Variants in CRYBG3 observed in about 807,000 individuals in gnomAD.
CRYBG3 encodes very large A-kinase anchor protein.
Under a neutral mutation model 244.2 loss-of-function variants are expected in CRYBG3, and 127 were observed. The observed-to-expected ratio is 0.52, with a 90% CI of 0.45 to 0.60. The LOEUF is 0.60. Among genes scored for constraint, CRYBG3 ranks in the 20% least tolerant of loss-of-function variants. The pLI, the probability that CRYBG3 is intolerant of heterozygous loss-of-function variation, is 0.00. For missense variants in CRYBG3, 3,325 were observed against 3,442.5 expected (o/e 0.97, Z 0.85); for synonymous variants, 1,132 against 1,195.8 (o/e 0.95, Z 1.10).
intron 15 of CRYBG3, among the ~76,000 whole-genome samples, chr3:97,906,254 T>G (rs1387255980): frequency 7.7e-6 from 1 of 129,876 alleles, no homozygotes; most frequent in Non-Finnish European, 1.7e-5. Flanking sequence ...ATATGAACTT[T>G]AAAGTAGTTT....
Position 97,876,976 on chromosome 3 carries a change from T to C in CRYBG3, c.5782T>C (p.Tyr1928His). Residue 1928 changes from tyrosine to histidine, a missense_variant, in exon 4 of 22, where the codon TAT becomes CAT. Physicochemically the swap from Tyr to His is moderately conservative, Grantham distance 83 (BLOSUM62 2). Around this residue, in one of 4 missense-constraint regions of CRYBG3, gnomAD observed 450 missense variants for 424.1 expected, o/e 1.06. Coordinates refer to ENST00000389622, the MANE Select transcript of CRYBG3 (RefSeq NM_153605.4). Reference protein sequence around the residue: ...LIAHENRLPTYFRGYESPTLS... With the variant: ...LIAHENRLPTHFRGYESPTLS... Reference sequence around the variant, plus strand: ...AGCACATGAAAATAGACTTCCTACATATTTCAGGGGATATGAATCCCCTAC... The same window carrying C: ...AGCACATGAAAATAGACTTCCTACACATTTCAGGGGATATGAATCCCCTAC... 1 of 1,513,564 alleles carries C rather than the reference T, an allele frequency of 6.6e-7. No individual in the cohort carries two copies. Among genetic ancestry groups the C allele is most frequent in the Non-Finnish European group, 8.8e-7 (1 of 1,134,602 alleles). The allele number at this position is 1,513,564 out of a possible 1,614,324, so 93.8% of individuals were successfully genotyped here. A position where few individuals can be genotyped will look rare whatever the true frequency, so the allele number is the denominator to read the frequency against.
intron 2 of CRYBG3, among the ~76,000 whole-genome samples, chr3:97,861,621 T>C (rs2039149949): frequency 6.6e-6 from 1 of 152,116 alleles, no homozygotes; most frequent in African/African-American, 2.4e-5. Flanking sequence ...AGTATACACA[T>C]AATACCAAAA....
intron 7 of CRYBG3, 36 bp from the exon 8 acceptor site, chr3:97,886,595 A>G (rs1297331706): frequency 6.4e-7 from 1 of 1,568,148 alleles, no homozygotes; most frequent in Non-Finnish European, 8.6e-7. Flanking sequence ...GTGTGACTCT[A>G]GTTGATTTCA....
intron 2 of CRYBG3, among the ~76,000 whole-genome samples, chr3:97,848,805 G>C (rs1025220526): frequency 2.0e-5 from 3 of 152,056 alleles, no homozygotes; most frequent in Non-Finnish European, 4.4e-5. Context: ...ATTTTTATAC[G>C]TCTCTTTTTC....
chr3:97,900,400 A>C (rs1166834377), intron 14 of CRYBG3, 53 bp from the exon 15 acceptor site: 8 of 1,251,948 alleles, frequency 6.4e-6, no homozygotes, highest in Non-Finnish European at 9.0e-6. Context: ...AAAACTTTCA[A>C]AAAGACAGAT....
At chr3:97,928,640 T>C (rs2040065399) in intron 17 of CRYBG3, among the ~76,000 whole-genome samples, 1 of 152,004 alleles carries the variant, frequency 6.6e-6, no homozygotes, top group Non-Finnish European at 1.5e-5. Context: ...GTTTTTCAAA[T>C]TTTAAACAGT....
chr3:97,886,949 C>T (rs1403557998), intron 8 of CRYBG3, among the ~76,000 whole-genome samples, 182 bp downstream of exon 8: 3 of 152,148 alleles, frequency 2.0e-5, no homozygotes, highest in Non-Finnish European at 4.4e-5. Flanking sequence ...CTCACAGGAG[C>T]AGGTATAGAA....
chr3:97,834,668 A>C (rs1340161078), intron 1 of CRYBG3, among the ~76,000 whole-genome samples: 1 of 152,178 alleles, frequency 6.6e-6, no homozygotes, highest in Non-Finnish European at 1.5e-5. Flanking sequence ...AAAAGCTGAA[A>C]ATGTGAACTG....
intron 14 of CRYBG3, among the ~76,000 whole-genome samples, chr3:97,899,722 G>C (rs2039683725): frequency 6.6e-6 from 1 of 152,196 alleles, no homozygotes; most frequent in East Asian, 1.9e-4. Context: ...GGTGAATTGA[G>C]TGATAGTTTA....
At chr3:97,931,650 ATGC>A (rs2040098023) in intron 17 of CRYBG3, among the ~76,000 whole-genome samples, 1 of 152,046 alleles carries the variant, frequency 6.6e-6, no homozygotes, top group Non-Finnish European at 1.5e-5. Flanking sequence ...ATATCTGGGC[ATGC>A]TTTCCTCCTG....
intron 1 of CRYBG3, among the ~76,000 whole-genome samples, chr3:97,823,598 A>G (rs570439589): frequency 6.6e-6 from 1 of 152,312 alleles, no homozygotes; most frequent in East Asian, 1.9e-4. Context: ...TCAAAGTTAC[A>G]CAGAAGTTAA....
At chr3:97,933,271 C>T (rs1313361202) in intron 17 of CRYBG3, 6 of 376,742 alleles carry the variant, frequency 1.6e-5, no homozygotes. Flanking sequence ...GAGCTTACCA[C>T]CACAGAGTCT....
intron 7 of CRYBG3, among the ~76,000 whole-genome samples, chr3:97,883,977 T>C (rs746974865): frequency 3.9e-5 from 6 of 152,210 alleles, no homozygotes; most frequent in Non-Finnish European, 7.3e-5. Context: ...TTTCATGATG[T>C]CTTCACTTTA....
rs183392673 is a variant in CRYBG3 at position 97,874,940 on chromosome 3, C to T, written c.3746C>T (p.Ser1249Leu). The T allele has an allele frequency of 1.2e-4, 178 of 1,535,830 alleles. No individual in the cohort carries two copies. In the African/African-American group the frequency reaches 2.3e-3, roughly 20 times the overall value. Residue 1249 changes from serine (S) to leucine (L), a missense_variant, in exon 4 of 22, where the codon TCA (serine) becomes TTA (leucine). By Grantham distance (145) the Ser-to-Leu change is moderately radical. Transcript: ENST00000389622. The stretch of plus-strand genomic sequence containing the variant: ...GAAGACATCTCTGAGAAAAACCCAT[C>T]AGAAGTGACACTAACAGAAATACAA... ...LKEDISEKNP[S>L]EVTLTEIQQT...
chr3:97,887,536 G>A (rs9809685), intron 8 of CRYBG3, among the ~76,000 whole-genome samples: 67,379 of 151,978 alleles, frequency 0.44, 16,146 homozygotes, highest in East Asian at 0.67. Context: ...TGGATCACCT[G>A]AGGTCAGGAG....
intron 1 of CRYBG3, among the ~76,000 whole-genome samples, chr3:97,829,039 A>G (rs1217034662): frequency 6.6e-6 from 1 of 152,086 alleles, no homozygotes. Context: ...GCCTTTGTAC[A>G]CTTAAAAATT....
chr3:97,858,885 G>A (rs1054464790), intron 2 of CRYBG3, among the ~76,000 whole-genome samples: 1 of 152,040 alleles, frequency 6.6e-6, no homozygotes, highest in Middle Eastern at 3.2e-3. Flanking sequence ...GCTTTTTCAT[G>A]TTTCTTGTAT....
Position 97,874,826 on chromosome 3 carries a change from T to C in CRYBG3, c.3632T>C (p.Val1211Ala). Residue 1211 changes from valine (V) to alanine (A), a missense_variant, in exon 4 of 22, where the codon GTC becomes GCC. Physicochemically the swap from Val to Ala is moderately conservative, Grantham distance 64 (BLOSUM62 0). Around this residue, in one of 4 missense-constraint regions of CRYBG3, gnomAD observed 1,526 missense variants for 1,443.2 expected, o/e 1.06. Transcript: ENST00000389622. ...TTGATTGGTGAGATTTTTAATTCTGTCAGGGAAGAACTAAAATTCAAACAC... is the reference window on the plus strand; with the variant it reads ...TTGATTGGTGAGATTTTTAATTCTGCCAGGGAAGAACTAAAATTCAAACAC... The part of the protein sequence containing the change: ...DTLIGEIFNS[V>A]REELKFKHTV... 1 of 1,535,956 alleles carries C rather than the reference T, an allele frequency of 6.5e-7. No homozygotes were observed. The highest frequency in any genetic ancestry group is 2.4e-5 in the East Asian group (1 of 40,906).
At chr3:97,835,565 A>T (rs2038720862) in intron 1 of CRYBG3, among the ~76,000 whole-genome samples, 2 of 152,142 alleles carry the variant, frequency 1.3e-5, no homozygotes, top group Non-Finnish European at 2.9e-5. Context: ...GTTAGTTCAT[A>T]GTAAGGAGTT....
Sources: allele counts gnomAD v4.1 joint callset (sites outside exome capture counted in the v4.1 genomes callset), GRCh38; gene constraint gnomAD v4.1.1; regional missense constraint gnomAD v4.1.1; transcripts MANE v1.5; gene names NCBI Gene and HGNC (gene_info 2026-07-23, HGNC 2026-07-21).